The following EPHA6 variants were observed in gnomAD, a reference collection of about 807,000 sequenced individuals.
The protein encoded by EPHA6 is ephrin type-A receptor 6.
Under a neutral mutation model 112.0 loss-of-function variants are expected in EPHA6, and 50 were observed. The ratio of observed to expected loss-of-function variants is 0.45; its 90% confidence interval spans 0.36 to 0.56. EPHA6 has a LOEUF of 0.56. Ranked by LOEUF, EPHA6 falls within the 20% of genes least tolerant of loss-of-function variation. The probability of loss-of-function intolerance (pLI) is 0.00; values close to 1 mark genes in which losing one functional copy is unlikely to be tolerated. For synonymous variants in EPHA6, 529 were observed against 490.7 expected (o/e 1.08, Z -1.03); for missense variants, 1,280 against 1,417.4 (o/e 0.90, Z 1.56).
At chr3:97,734,412 T>C (rs2035169851) in intron 15 of EPHA6, among the ~76,000 whole-genome samples, 1 of 152,004 alleles carries the variant, frequency 6.6e-6, no homozygotes, top group Admixed American at 6.6e-5. Context: ...AACCCAAGCC[T>C]AGTTGCTAGT....
intron 14 of EPHA6, among the ~76,000 whole-genome samples, chr3:97,644,566 G>A (rs1576184128): frequency 6.6e-6 from 1 of 152,048 alleles, no homozygotes; most frequent in Non-Finnish European, 1.5e-5. Flanking sequence ...ATAAAAGAGG[G>A]AAGAATCAAA....
At chr3:97,298,324 G>A (rs1410362697) in intron 5 of EPHA6, among the ~76,000 whole-genome samples, 2 of 152,066 alleles carry the variant, frequency 1.3e-5, no homozygotes, top group Non-Finnish European at 2.9e-5. Flanking sequence ...ACTTCTACAC[G>A]TCCATCTCAG....
At chr3:97,431,355 G>A (rs900518216) in intron 6 of EPHA6, among the ~76,000 whole-genome samples, 2 of 152,072 alleles carry the variant, frequency 1.3e-5, no homozygotes, top group African/African-American at 4.8e-5. Context: ...AGTCTATAAT[G>A]AGAGAATGTA....
chr3:97,193,596 A>AT (rs138796851), intron 3 of EPHA6, among the ~76,000 whole-genome samples: 2,415 of 149,796 alleles, frequency 0.016, 38 homozygotes, highest in South Asian at 0.054. Context: ...GGATAACTTG[A>AT]TTTTTTTTTT....
At chr3:97,387,003 C>T (rs1027409246) in intron 5 of EPHA6, among the ~76,000 whole-genome samples, 5 of 152,322 alleles carry the variant, frequency 3.3e-5, no homozygotes, top group African/African-American at 1.2e-4. Flanking sequence ...ATGGCTGGAG[C>T]AGTCATGATG....
chr3:97,015,535 A>G (rs2107960111), intron 3 of EPHA6, among the ~76,000 whole-genome samples: 1 of 152,366 alleles, frequency 6.6e-6, no homozygotes, highest in East Asian at 1.9e-4. Flanking sequence ...GGAAAAACCC[A>G]TTAAAACTAT....
chr3:97,001,034 ATG>A (rs1408234148), intron 3 of EPHA6, among the ~76,000 whole-genome samples: 2 of 148,858 alleles, frequency 1.3e-5, no homozygotes, highest in South Asian at 2.1e-4. Context: ...ATATATATGC[ATG>A]TGTGTTCGTA....
rs188425265 is a variant in EPHA6 at position 97,326,570 on chromosome 3, C to T, written c.1607-78580C>T. On this transcript the variant is annotated intron_variant, in intron 5 of 17. Coordinates refer to ENST00000389672, the MANE Select transcript of EPHA6 (RefSeq NM_001080448.3). ...AAGGAAAATTGAATTAATGACATTT[C>T]CTTAGAAAACATTTGGAACTTAAGG... is the stretch of plus-strand genomic sequence containing the variant. Among the ~76,000 whole-genome samples, 5 of 152,088 alleles carry T rather than the reference C, an allele frequency of 3.3e-5. No individual in the cohort carries two copies. The East Asian group carries it at 9.7e-4, about 29-fold the overall frequency.
chr3:97,429,613 A>G (rs1416487918), intron 6 of EPHA6, among the ~76,000 whole-genome samples: 1 of 151,420 alleles, frequency 6.6e-6, no homozygotes, highest in Non-Finnish European at 1.5e-5. Flanking sequence ...CACCTATAGC[A>G]TATTCGAAAG....
intron 7 of EPHA6, among the ~76,000 whole-genome samples, chr3:97,462,261 C>A (rs2090914749): frequency 6.6e-6 from 1 of 152,054 alleles, no homozygotes. Flanking sequence ...CTATGGAGAA[C>A]ACATAAAACA....
chr3:97,204,066 T>C (rs2077650027), intron 3 of EPHA6, among the ~76,000 whole-genome samples: 1 of 152,144 alleles, frequency 6.6e-6, no homozygotes, highest in East Asian at 1.9e-4. Flanking sequence ...TAAACAACTT[T>C]TTTTTACTAA....
chr3:97,159,092 C>T (rs185886163), intron 3 of EPHA6, among the ~76,000 whole-genome samples: 13 of 152,190 alleles, frequency 8.5e-5, no homozygotes, highest in Middle Eastern at 3.4e-3. Flanking sequence ...CTGCCTGGAC[C>T]ATTATTAGCC....
chr3:97,093,260 G>A (rs1442044766), intron 3 of EPHA6, among the ~76,000 whole-genome samples: 1 of 152,060 alleles, frequency 6.6e-6, no homozygotes, highest in African/African-American at 2.4e-5. Context: ...ATTTAAAAGG[G>A]GAATAAAGCT....
At chr3:97,224,221 T>A (rs1355007629) in intron 3 of EPHA6, among the ~76,000 whole-genome samples, 1 of 152,198 alleles carries the variant, frequency 6.6e-6, no homozygotes, top group Non-Finnish European at 1.5e-5. Context: ...TCACTTTATA[T>A]TGCTGTTAGA....
At chr3:97,226,462 C>G (rs1559811493) in intron 4 of EPHA6, 43 bp downstream of exon 4, 1 of 1,527,756 alleles carries the variant, frequency 6.5e-7, no homozygotes, top group Non-Finnish European at 8.8e-7. Context: ...GTTTCCAACC[C>G]TTTTGGTCTT....
chr3:97,231,481 C>T (rs906674407), intron 4 of EPHA6, among the ~76,000 whole-genome samples: 5 of 152,006 alleles, frequency 3.3e-5, no homozygotes, highest in East Asian at 1.9e-4. Flanking sequence ...AAGAAAAATG[C>T]GTAGAAATGT....
At chr3:97,388,237 C>A (rs1298152297) in intron 5 of EPHA6, among the ~76,000 whole-genome samples, 2 of 152,106 alleles carry the variant, frequency 1.3e-5, no homozygotes, top group South Asian at 4.1e-4. Context: ...TCAGAGACAA[C>A]AAAACCATCC....
chr3:97,736,133 G>T lies in EPHA6; in HGVS notation c.3128+15G>T. ...GACATCCTTGTGTAAGAGGCATAATGTTGAGTTTTTTTCTTCTTGACAATT... is the reference window on the plus strand; with the variant it reads ...GACATCCTTGTGTAAGAGGCATAATTTTGAGTTTTTTTCTTCTTGACAATT... On this transcript the variant is annotated intron_variant, in intron 16 of 17. Transcript: ENST00000389672. The T allele has an allele frequency of 2.5e-6, 4 of 1,590,706 alleles. No homozygotes were observed. Among genetic ancestry groups the T allele is most frequent in the Non-Finnish European group, 3.4e-6 (4 of 1,165,332 alleles).
intron 5 of EPHA6, among the ~76,000 whole-genome samples, chr3:97,323,820 T>C (rs1306489186): frequency 6.6e-6 from 1 of 151,922 alleles, no homozygotes; most frequent in African/African-American, 2.4e-5. Context: ...TTACAGATAG[T>C]AATTTTTAGT....
Sources: allele counts gnomAD v4.1 joint callset (sites outside exome capture counted in the v4.1 genomes callset), GRCh38; gene constraint gnomAD v4.1.1; transcripts MANE v1.5; gene names NCBI Gene and HGNC (gene_info 2026-07-23, HGNC 2026-07-21).